SP140: variants seen among roughly 807,000 people sequenced by gnomAD.
SP140 encodes nuclear body protein SP140.
In SP140, 81 loss-of-function variants were observed where a neutral mutation model predicts 125.0. That is an observed-to-expected ratio of 0.65 (90% confidence interval 0.54 to 0.78). The LOEUF (loss-of-function observed/expected upper bound fraction) is 0.78. Among genes scored for constraint, SP140 ranks in the 30% least tolerant of loss-of-function variants. The probability of loss-of-function intolerance (pLI) is 0.00; values close to 1 mark genes in which losing one functional copy is unlikely to be tolerated. For missense variants in SP140, 858 were observed against 1,037.0 expected (o/e 0.83, Z 2.37); for synonymous variants, 312 against 354.0 (o/e 0.88, Z 1.33).
At position 230,290,579 on chromosome 2, in the gene SP140, C is replaced by A; in HGVS notation, c.1825+15C>A. ...ATTGCAGCAAGGTAGGTTTTATGGT[C>A]TTCTTTAATTTGCAGCTCCTATCTG... is the stretch of plus-strand genomic sequence containing the variant. On this transcript the variant is annotated intron_variant, in intron 19 of 26. Transcript: ENST00000392045. 2 of 1,585,866 alleles carry A rather than the reference C, an allele frequency of 1.3e-6. No homozygotes were observed. Among genetic ancestry groups the A allele is most frequent in the South Asian group, 1.1e-5 (1 of 89,604 alleles).
At chr2:230,206,785 C>G (rs1213940220) in intron 1 of SP140, among the ~76,000 whole-genome samples, 1 of 151,466 alleles carries the variant, frequency 6.6e-6, no homozygotes, top group Non-Finnish European at 1.5e-5. Context: ...TTTCACTTCC[C>G]CAGAAACATT....
In SP140 at chr2:230,217,027, C is replaced by T; in HGVS notation, c.-91+2953C>T. On this transcript the variant is annotated intron_variant, in intron 3 of 4. Coordinates refer to the SP140 transcript ENST00000456542. The stretch of plus-strand genomic sequence containing the variant: ...TTGGGAGGCCGAGGTGGGTGGATCA[C>T]CTGAGGTCAAGAGATTGAGACCATC... 4 of 921,420 alleles carry T rather than the reference C, an allele frequency of 4.3e-6. No individual in the cohort carries two copies. The East Asian group carries it at 8.2e-5, about 19-fold the overall frequency. 57.1% of individuals were successfully genotyped at this position (921,420 alleles called of 1,614,324 possible). A position where few individuals can be genotyped will look rare whatever the true frequency, so the allele number is the denominator to read the frequency against.
chr2:230,274,754 C>T (rs1575151998), intron 15 of SP140, among the ~76,000 whole-genome samples: 1 of 151,978 alleles, frequency 6.6e-6, no homozygotes, highest in African/African-American at 2.4e-5. Flanking sequence ...AAATTACTTA[C>T]ACCTTTATGC....
intron 20 of SP140, among the ~76,000 whole-genome samples, chr2:230,294,038 G>A (rs563279157): frequency 3.9e-5 from 6 of 152,292 alleles, no homozygotes; most frequent in African/African-American, 1.4e-4. Context: ...TAGGACTTAG[G>A]AAAGAAGCAC....
At chr2:230,280,126 A>C (rs938451393) in intron 15 of SP140, among the ~76,000 whole-genome samples, 1 of 152,140 alleles carries the variant, frequency 6.6e-6, no homozygotes, top group Non-Finnish European at 1.5e-5. Context: ...TTTGCATACA[A>C]ATGTGTTAAA....
Position 230,285,822 on chromosome 2 carries a change from C to A in SP140, c.1635C>A (p.Ser545=). The change falls in exon 17 of 27, where the codon TCC becomes TCA. Residue 545 remains serine (S), a synonymous_variant. Coordinates refer to ENST00000392045, the MANE Select transcript of SP140 (RefSeq NM_007237.5). ...CGAACGTGAATCTGAAAGACCTTTC[C>A]AAGATTAGGGGTAAGATAAAGTTTG... ...KKANVNLKDL[S]KIRGRKRGKP... The A allele has an allele frequency of 6.2e-7, 1 of 1,611,782 alleles. No homozygotes were observed. Among genetic ancestry groups the A allele is most frequent in the Non-Finnish European group, 8.5e-7 (1 of 1,177,986 alleles).
intron 3 of SP140, chr2:230,238,961 C>A: frequency 6.6e-6 from 10 of 1,523,084 alleles, no homozygotes; most frequent in Non-Finnish European, 8.8e-6. Flanking sequence ...GGTGTGAGAG[C>A]TGACTCTGGA....
intron 3 of SP140, chr2:230,215,226 G>T (rs1310571772): frequency 4.6e-6 from 4 of 875,744 alleles, no homozygotes; most frequent in Non-Finnish European, 7.3e-6. Flanking sequence ...CTTTTAAGAA[G>T]AAATTCAACA....
chr2:230,256,750 A>AT (rs900278643), intron 12 of SP140, among the ~76,000 whole-genome samples: 4 of 152,142 alleles, frequency 2.6e-5, no homozygotes, highest in African/African-American at 9.7e-5. Flanking sequence ...CTTTTTTATG[A>AT]TTTTTTCACA....
chr2:230,230,895 T>G (rs1367737205), intron 1 of SP140, among the ~76,000 whole-genome samples: 2 of 152,282 alleles, frequency 1.3e-5, no homozygotes, highest in African/African-American at 4.8e-5. Context: ...TTTGTCACAC[T>G]TTCTGAAATT....
At chr2:230,270,796 G>A (rs150320804) in intron 15 of SP140, 157 bp downstream of exon 15, 2 of 731,486 alleles carry the variant, frequency 2.7e-6, no homozygotes, top group Admixed American at 2.1e-5. Context: ...CTAATCCCTG[G>A]ACCTGTAATC....
In SP140 at chr2:230,312,194, A is replaced by G. The variant is rs912543068; in HGVS notation, c.2506-392A>G. 3.9e-5 allele frequency among the ~76,000 whole-genome samples: 6 copies of G among 152,264 alleles called. No individual in the cohort carries two copies. The South Asian group carries it at 6.2e-4, about 16-fold the overall frequency. The stretch of plus-strand genomic sequence containing the variant: ...TCTGCCCTGTTAATAAGAAAGGATC[A>G]TGCTGGTAAGAAACGGAAGTTACTC... On this transcript the variant is annotated intron_variant, in intron 26 of 26. Transcript: ENST00000392045.
intron 21 of SP140, among the ~76,000 whole-genome samples, chr2:230,296,372 A>G (rs2057732836): frequency 6.6e-6 from 1 of 152,236 alleles, no homozygotes; most frequent in South Asian, 2.1e-4. Context: ...CCTTTGAATC[A>G]CACTTGTTTA....
At chr2:230,286,737 C>A (rs1039497725) in intron 17 of SP140, among the ~76,000 whole-genome samples, 1 of 152,160 alleles carries the variant, frequency 6.6e-6, no homozygotes, top group Non-Finnish European at 1.5e-5. Flanking sequence ...TGGCCTGGTG[C>A]ATTGTCCTAG....
At chr2:230,313,404 AC>A (rs2059451355), downstream of SP140, among the ~76,000 whole-genome samples, 1 of 151,978 alleles carries the variant, frequency 6.6e-6, no homozygotes, top group Non-Finnish European at 1.5e-5. Flanking sequence ...CCAGAATATT[AC>A]CCGGGGTCAA....
upstream of SP140, chr2:230,221,644 C>A (rs1008667259): frequency 6.9e-7 from 1 of 1,458,842 alleles, no homozygotes; most frequent in East Asian, 2.5e-5. Context: ...CGCTGTGATG[C>A]AGGGGATGGC....
chr2:230,270,230 C>T (rs1216417318), intron 14 of SP140, among the ~76,000 whole-genome samples: 2 of 152,202 alleles, frequency 1.3e-5, no homozygotes, highest in Non-Finnish European at 2.9e-5. Flanking sequence ...TACACCCAAT[C>T]TTCCATGAAG....
the SP140 span, among the ~76,000 whole-genome samples, chr2:230,194,754 T>C: frequency 6.6e-6 from 1 of 152,236 alleles, no homozygotes; most frequent in Non-Finnish European, 1.5e-5. Flanking sequence ...TCTTCTGGGC[T>C]CTGACCCTAG....
chr2:230,207,887 C>A, intron 1 of SP140: 1 of 696,150 alleles, frequency 1.4e-6, no homozygotes. Context: ...TCTTCAATGG[C>A]TTCCCATTGC....
Sources: allele counts gnomAD v4.1 joint callset (sites outside exome capture counted in the v4.1 genomes callset), GRCh38; gene constraint gnomAD v4.1.1; transcripts MANE v1.5; gene names NCBI Gene and HGNC (gene_info 2026-07-23, HGNC 2026-07-21).